The following KCND3 variants were observed in gnomAD, a reference collection of about 807,000 sequenced individuals.
KCND3 encodes the protein A-type voltage-gated potassium channel KCND3.
KCND3 carries 9 observed loss-of-function variants against 51.1 expected under a neutral mutation model. The observed-to-expected ratio is 0.18, with a 90% confidence interval of 0.11 to 0.31. The LOEUF (loss-of-function observed/expected upper bound fraction) is 0.31, where lower values mean the gene tolerates loss of function less well. Among genes scored for constraint, KCND3 ranks in the 10% least tolerant of loss-of-function variants. The pLI is 1.00. For missense variants in KCND3, 526 were observed against 903.8 expected, an observed-to-expected ratio of 0.58 and a Z score of 5.36; for synonymous variants, 349 against 368.0, an observed-to-expected ratio of 0.95 and a Z score of 0.59.
At chr1:111,904,712 G>A (rs1000522659) in intron 2 of KCND3, among the ~76,000 whole-genome samples, 2 of 152,188 alleles carry the variant, frequency 1.3e-5, no homozygotes, top group Non-Finnish European at 2.9e-5. Context: ...CAAGCTGCGT[G>A]ACAGCCGCCC....
intron 2 of KCND3, among the ~76,000 whole-genome samples, chr1:111,799,690 A>G (rs1039075835): frequency 6.6e-6 from 1 of 152,242 alleles, no homozygotes; most frequent in Non-Finnish European, 1.5e-5. Flanking sequence ...GCAGAGCGCA[A>G]TGAAGTCTGG....
intron 2 of KCND3, among the ~76,000 whole-genome samples, chr1:111,835,068 G>A (rs547923766): frequency 1.3e-4 from 20 of 152,278 alleles, no homozygotes; most frequent in African/African-American, 3.4e-4. Flanking sequence ...TCAGAGAAAC[G>A]CCAGGCAGAT....
chr1:111,788,622 C>T (rs1414764334), intron 2 of KCND3, among the ~76,000 whole-genome samples: 1 of 152,178 alleles, frequency 6.6e-6, no homozygotes, highest in Non-Finnish European at 1.5e-5. Context: ...ATTTCCTGGA[C>T]GTGCACTAGC....
At chr1:111,954,616 T>C (rs1272727656) in intron 2 of KCND3, among the ~76,000 whole-genome samples, 2 of 152,266 alleles carry the variant, frequency 1.3e-5, no homozygotes, top group Admixed American at 6.5e-5. Context: ...AGTGGGATTC[T>C]GGCTGGCATC....
At position 111,823,464 on chromosome 1, in the gene KCND3, T is replaced by C. The variant is rs61788807; in HGVS notation, c.1107-36358A>G. Among the ~76,000 whole-genome samples, 576 of 152,280 alleles carry C rather than the reference T, an allele frequency of 3.8e-3. 4 individuals are homozygous for C. Among genetic ancestry groups the C allele is most frequent in the Non-Finnish European group, 6.6e-3 (450 of 68,014 alleles). ...CTGATGGTTCTGAGACACTCAGGGA[T>C]TGAGTTCCTTTAAAGACTGAGCTGC... is the stretch of plus-strand genomic sequence containing the variant. On this transcript the variant is annotated intron_variant, in intron 2 of 7. Transcript: ENST00000302127.
intron 2 of KCND3, among the ~76,000 whole-genome samples, chr1:111,859,963 G>A (rs1668260088): frequency 1.3e-5 from 2 of 152,148 alleles, no homozygotes; most frequent in Non-Finnish European, 2.9e-5. Flanking sequence ...GACCTTTAAC[G>A]CTTTTTGGGA....
At position 111,922,234 on chromosome 1, in the gene KCND3, G is replaced by C. The variant is rs116462397; in HGVS notation, c.1106+59387C>G. ...AGAAAAGGAAGGGAGACATTAAGAGGAACTGCCTTGAGGCTCTGCCTTGGA... is the reference window on the plus strand; with the variant it reads ...AGAAAAGGAAGGGAGACATTAAGAGCAACTGCCTTGAGGCTCTGCCTTGGA... On this transcript the variant is annotated intron_variant, in intron 2 of 7. Transcript: ENST00000302127. Among the ~76,000 whole-genome samples the C allele has an allele frequency of 4.9e-3, 741 of 152,314 alleles. 10 individuals carry two copies. The highest frequency in any genetic ancestry group is 0.017 in the African/African-American group (697 of 41,574).
chr1:111,844,103 C>T (rs1667446704), intron 2 of KCND3, among the ~76,000 whole-genome samples: 1 of 152,140 alleles, frequency 6.6e-6, no homozygotes. Context: ...GGATGTGTCT[C>T]TCAGGATGGG....
At chr1:111,929,527 A>G (rs1181573114) in intron 2 of KCND3, among the ~76,000 whole-genome samples, 1 of 152,044 alleles carries the variant, frequency 6.6e-6, no homozygotes, top group Non-Finnish European at 1.5e-5. Flanking sequence ...CCTAATCGAA[A>G]CTGTTCCTTT....
At chr1:111,967,189 C>T (rs538270344) in intron 2 of KCND3, among the ~76,000 whole-genome samples, 40 of 151,252 alleles carry the variant, frequency 2.6e-4, no homozygotes, top group African/African-American at 9.5e-4. Flanking sequence ...AAAACGGGGT[C>T]GGGGGGTAAA....
chr1:111,827,716 G>T (rs1420986292), intron 2 of KCND3, among the ~76,000 whole-genome samples: 1 of 152,170 alleles, frequency 6.6e-6, no homozygotes, highest in African/African-American at 2.4e-5. Context: ...TGGCAAGCCT[G>T]TGCAATTCCA....
chr1:111,790,938 C>T (rs1664800162), intron 2 of KCND3, among the ~76,000 whole-genome samples: 1 of 152,230 alleles, frequency 6.6e-6, no homozygotes, highest in Non-Finnish European at 1.5e-5. Context: ...ATTCCACTGT[C>T]TGGGTAGACC....
intron 2 of KCND3, among the ~76,000 whole-genome samples, chr1:111,837,571 G>T (rs1166704718): frequency 1.3e-5 from 2 of 152,162 alleles, no homozygotes. Flanking sequence ...GGAAGTTTTG[G>T]CTCAGAGTTG....
intron 2 of KCND3, among the ~76,000 whole-genome samples, chr1:111,868,293 C>T (rs1668669608): frequency 6.6e-6 from 1 of 152,192 alleles, no homozygotes; most frequent in Admixed American, 6.5e-5. Context: ...CCGCTGTCCA[C>T]GCTACCTGCC....
intron 2 of KCND3, among the ~76,000 whole-genome samples, chr1:111,869,168 C>A (rs1278327269): frequency 6.6e-6 from 1 of 152,192 alleles, no homozygotes; most frequent in Admixed American, 6.5e-5. Context: ...TCTCCCTTTC[C>A]TTCTCCTTAT....
At chr1:111,879,189 C>T (rs143731584) in intron 2 of KCND3, among the ~76,000 whole-genome samples, 10 of 152,170 alleles carry the variant, frequency 6.6e-5, no homozygotes, top group Non-Finnish European at 7.3e-5. Flanking sequence ...CATCATCATG[C>T]GAGCCAACTC....
At chr1:111,922,045 C>T (rs1671497152) in intron 2 of KCND3, among the ~76,000 whole-genome samples, 1 of 152,224 alleles carries the variant, frequency 6.6e-6, no homozygotes, top group African/African-American at 2.4e-5. Flanking sequence ...CTAAAAAACT[C>T]ACTCTGCAGA....
intron 2 of KCND3, among the ~76,000 whole-genome samples, chr1:111,912,940 C>G (rs1245543391): frequency 6.6e-6 from 1 of 151,992 alleles, no homozygotes; most frequent in Non-Finnish European, 1.5e-5. Context: ...GAAGAAGAAA[C>G]AATTTTGTAG....
chr1:111,771,961 C>G lies in KCND3; in HGVS notation c.*4116G>C, dbSNP rs1663945722. 6.6e-6 allele frequency: 1 copy of G among 152,096 alleles called. No individual in the cohort carries two copies. The highest frequency in any genetic ancestry group is 1.5e-5 in the Non-Finnish European group (1 of 68,012). 9.4% of individuals were successfully genotyped at this position (152,096 alleles called of 1,614,324 possible). The stretch of plus-strand genomic sequence containing the variant: ...TTCTGAATTGAATACTTCCCTCCCC[C>G]ACGTCACCACCCTGGAAATCCAGGT... On this transcript the variant is annotated 3_prime_UTR_variant, in exon 8 of 8. Transcript: ENST00000302127.
Sources: allele counts gnomAD v4.1 joint callset (sites outside exome capture counted in the v4.1 genomes callset), GRCh38; gene constraint gnomAD v4.1.1; transcripts MANE v1.5; gene names NCBI Gene and HGNC (gene_info 2026-07-23, HGNC 2026-07-21).